Variants in KCNG3 observed in about 807,000 individuals in gnomAD.
The protein encoded by KCNG3 is voltage-gated potassium channel regulatory subunit KCNG3.
Under a neutral mutation model 29.0 loss-of-function variants are expected in KCNG3, and 15 were observed. That is an observed-to-expected ratio of 0.52 (90% CI 0.35 to 0.80). The LOEUF (loss-of-function observed/expected upper bound fraction) is 0.80, where lower values mean the gene tolerates loss of function less well. Among genes scored for constraint, KCNG3 ranks in the 30% least tolerant of loss-of-function variants. The probability of loss-of-function intolerance (pLI) is 0.01; values close to 1 mark genes in which losing one functional copy is unlikely to be tolerated. For synonymous variants in KCNG3, 322 were observed against 248.9 expected (o/e 1.29, Z -2.76); for missense variants, 512 against 605.7 (o/e 0.85, Z 1.62).
At position 42,442,789 on chromosome 2, in the gene KCNG3, T is replaced by A. The variant is rs1465529918; in HGVS notation, c.*1145A>T. 1 of 152,232 alleles carries A rather than the reference T, an allele frequency of 6.6e-6. No homozygotes were observed. The highest frequency in any genetic ancestry group is 1.5e-5 in the Non-Finnish European group (1 of 68,032). The allele number at this position is 152,232 out of a possible 1,614,324, so 9.4% of individuals were successfully genotyped here. A position where few individuals can be genotyped will look rare whatever the true frequency, so the allele number is the denominator to read the frequency against. ...TCCTAATAATCTAGCCAGATTAACA[T>A]GGCATATTAGTCAGTATTCTTACAA... On this transcript the variant is annotated 3_prime_UTR_variant, in exon 2 of 2. Transcript: ENST00000306078.
chr2:42,441,715 T>C (rs201362854), downstream of KCNG3, among the ~76,000 whole-genome samples: 90 of 9,658 alleles, frequency 9.3e-3, no homozygotes, highest in East Asian at 0.066. Context: ...TATATATATA[T>C]ACACACACAC....
chr2:42,405,828 G>C, the KCNG3 span, among the ~76,000 whole-genome samples: 32 of 152,108 alleles, frequency 2.1e-4, no homozygotes, highest in African/African-American at 7.2e-4. Context: ...GGATGGTCTC[G>C]ATCTCCTGAC....
At position 42,454,477 on chromosome 2, in the gene KCNG3, C is replaced by G. The variant is rs527620081; in HGVS notation, c.666-9898G>C. ...CTGTAATCCCAGCACTTTGGGAGGC[C>G]GAGGCGGGCAGATCACCTGAGGTAA... On this transcript the variant is annotated intron_variant, in intron 1 of 1. Coordinates refer to ENST00000306078, the MANE Select transcript of KCNG3 (RefSeq NM_133329.6). 4.2e-4 allele frequency among the ~76,000 whole-genome samples: 64 copies of G among 152,092 alleles called. No homozygotes were observed. The East Asian group carries it at 0.012, about 28-fold the overall frequency.
chr2:42,391,009 G>A, the KCNG3 span, among the ~76,000 whole-genome samples: 2 of 152,202 alleles, frequency 1.3e-5, no homozygotes, highest in East Asian at 3.8e-4. Context: ...GCTGTAGGCT[G>A]AGCTCCCAGG....
chr2:42,416,679 G>A, the KCNG3 span, among the ~76,000 whole-genome samples: 1 of 152,008 alleles, frequency 6.6e-6, no homozygotes, highest in East Asian at 1.9e-4. Flanking sequence ...TTAGCTGGGT[G>A]CATTGGCTCA....
chr2:42,490,425 A>G (rs995503811), intron 1 of KCNG3, among the ~76,000 whole-genome samples: 5 of 151,992 alleles, frequency 3.3e-5, no homozygotes. Context: ...AAAATGCAAA[A>G]AATAAAATAA....
Position 42,444,637 on chromosome 2 carries a change from T to C in KCNG3, c.666-58A>G. The C allele has an allele frequency of 3.4e-6, 5 of 1,464,030 alleles. No individual in the cohort carries two copies. In the Admixed American group the frequency reaches 8.0e-5, roughly 23 times the overall value. 90.7% of individuals were successfully genotyped at this position (1,464,030 alleles called of 1,614,324 possible). A position where few individuals can be genotyped will look rare whatever the true frequency, so the allele number is the denominator to read the frequency against. ...TTATTTTTAAGCATTTTAATAGCTCTTAGATTTCTTCAGATAGTACTACAC... is the reference window on the plus strand; with the variant it reads ...TTATTTTTAAGCATTTTAATAGCTCCTAGATTTCTTCAGATAGTACTACAC... On this transcript the variant is annotated intron_variant, in intron 1 of 1. Transcript: ENST00000306078. The surrounding 1 kb of genome is among the most constrained non-coding windows in gnomAD (Gnocchi z 5.8).
the KCNG3 span, among the ~76,000 whole-genome samples, chr2:42,409,131 C>T: frequency 6.6e-6 from 1 of 152,078 alleles, no homozygotes; most frequent in African/African-American, 2.4e-5. Context: ...TCTGACTTGC[C>T]CTTGGTGGTG....
chr2:42,492,310 G>C (rs143010100), intron 1 of KCNG3, among the ~76,000 whole-genome samples: 3 of 152,252 alleles, frequency 2.0e-5, no homozygotes, highest in African/African-American at 7.2e-5. Context: ...AGAGTCTATC[G>C]ATAAATTAAC....
the KCNG3 span, chr2:42,425,001 C>G: frequency 5.3e-5 from 8 of 152,222 alleles, no homozygotes; most frequent in African/African-American, 1.9e-4. Flanking sequence ...GGGCCTGCTG[C>G]GACAATCAGG....
the KCNG3 span, among the ~76,000 whole-genome samples, chr2:42,393,613 A>T: frequency 6.6e-6 from 1 of 152,252 alleles, no homozygotes; most frequent in East Asian, 1.9e-4. Context: ...CTGGTACAGC[A>T]GCTTCATAGT....
the KCNG3 span, among the ~76,000 whole-genome samples, chr2:42,424,072 C>T: frequency 6.6e-6 from 1 of 152,172 alleles, no homozygotes; most frequent in African/African-American, 2.4e-5. Flanking sequence ...CTTTGCAAAT[C>T]CAGGATTCTA....
the KCNG3 span, among the ~76,000 whole-genome samples, chr2:42,435,145 A>C: frequency 1.3e-5 from 2 of 152,070 alleles, no homozygotes; most frequent in South Asian, 4.1e-4. Context: ...TCTACTAAAA[A>C]TGCAAAAATT....
At chr2:42,397,349 T>C in the KCNG3 span, among the ~76,000 whole-genome samples, 5 of 152,108 alleles carry the variant, frequency 3.3e-5, no homozygotes, top group Non-Finnish European at 7.3e-5. Flanking sequence ...ATAGTATATG[T>C]TACTTTTCAT....
At position 42,444,923 on chromosome 2, in the gene KCNG3, G is replaced by A. The variant is rs949146463; in HGVS notation, c.666-344C>T. Among the ~76,000 whole-genome samples, 1 of 151,826 alleles carries A rather than the reference G, an allele frequency of 6.6e-6. No homozygotes were observed. The highest frequency in any genetic ancestry group is 1.5e-5 in the Non-Finnish European group (1 of 67,974). On this transcript the variant is annotated intron_variant, in intron 1 of 1. Coordinates refer to ENST00000306078, the MANE Select transcript of KCNG3 (RefSeq NM_133329.6). The surrounding 1 kb of genome is among the most constrained non-coding windows in gnomAD (Gnocchi z 5.8). ...CAAAAAAAAAATACAAAAATCAGCTGGGCTTGGTGACACACACCTGTAGTA... is the reference window on the plus strand; with the variant it reads ...CAAAAAAAAAATACAAAAATCAGCTAGGCTTGGTGACACACACCTGTAGTA...
intron 1 of KCNG3, among the ~76,000 whole-genome samples, chr2:42,477,434 T>A (rs1298672114): frequency 1.2e-5 from 1 of 80,494 alleles, no homozygotes; most frequent in African/African-American, 3.5e-5. Flanking sequence ...TATATTTTTT[T>A]TTTTTTTTTT....
At chr2:42,464,713 C>A (rs1673098818) in intron 1 of KCNG3, among the ~76,000 whole-genome samples, 1 of 152,166 alleles carries the variant, frequency 6.6e-6, no homozygotes, top group South Asian at 2.1e-4. Context: ...TCAACCAGGC[C>A]TTCAAGTCTG....
chr2:42,419,955 G>A, the KCNG3 span, among the ~76,000 whole-genome samples: 1 of 152,188 alleles, frequency 6.6e-6, no homozygotes, highest in South Asian at 2.1e-4. Context: ...GGGCACGGTG[G>A]CTCATGCCTG....
chr2:42,492,189 C>T (rs745482669), intron 1 of KCNG3, among the ~76,000 whole-genome samples: 3 of 152,102 alleles, frequency 2.0e-5, no homozygotes, highest in Non-Finnish European at 4.4e-5. Flanking sequence ...TATCATAGAC[C>T]CTCTGAAAGT....
Sources: allele counts gnomAD v4.1 joint callset (sites outside exome capture counted in the v4.1 genomes callset), GRCh38; gene constraint gnomAD v4.1.1; non-coding constraint Gnocchi (gnomAD v3.1); transcripts MANE v1.5; gene names NCBI Gene and HGNC (gene_info 2026-07-23, HGNC 2026-07-21).